The following ATG5 variants were observed in gnomAD, a reference collection of about 807,000 sequenced individuals.
ATG5 encodes autophagy protein 5.
ATG5 carries 14 observed loss-of-function variants against 36.5 expected under a neutral mutation model. That is an observed-to-expected ratio of 0.38 (90% CI 0.25 to 0.60). The LOEUF (loss-of-function observed/expected upper bound fraction) is 0.60. ATG5 is among the 20% of genes least tolerant of loss of function. The pLI is 0.60. For synonymous variants in ATG5, 95 were observed against 101.5 expected (o/e 0.94, Z 0.38); for missense variants, 195 against 326.7 (o/e 0.60, Z 3.11).
chr6:106,283,605 T>C (rs146898563), intron 4 of ATG5: 1 of 152,098 alleles, frequency 6.6e-6, no homozygotes, highest in Non-Finnish European at 1.5e-5. Context: ...AGTGTGGAAA[T>C]TCAATCGGCA....
At position 106,201,989 on chromosome 6, in the gene ATG5, G is replaced by A. The variant is rs1776447348; in HGVS notation, c.674C>T (p.Ser225Phe). The change falls in exon 7 of 8, where the codon TCT becomes TTT. Residue 225 changes from serine to phenylalanine, a missense_variant. Coordinates refer to ENST00000369076, the MANE Select transcript of ATG5 (RefSeq NM_004849.4). ...TGTATTACCTTCAGGATCAATAGCAGAAGGACAAACTTCTTTGAGGAGATC... is the reference window on the plus strand; with the variant it reads ...TGTATTACCTTCAGGATCAATAGCAAAAGGACAAACTTCTTTGAGGAGATC... ...LGDLLKEVCPSAIDPEDGEKK... is the reference protein window; with the variant it reads ...LGDLLKEVCPFAIDPEDGEKK... 6.2e-7 allele frequency: 1 copy of A among 1,611,244 alleles called. No homozygotes were observed. Among genetic ancestry groups the A allele is most frequent in the Non-Finnish European group, 8.5e-7 (1 of 1,178,218 alleles).
chr6:106,290,635 T>C (rs1468340114), intron 4 of ATG5, among the ~76,000 whole-genome samples: 3 of 152,186 alleles, frequency 2.0e-5, no homozygotes, highest in African/African-American at 7.2e-5. Flanking sequence ...GTAATAATAA[T>C]GTGGAATCTG....
At position 106,312,710 on chromosome 6, in the gene ATG5, G is replaced by A. The variant is rs181281595; in HGVS notation, c.108+3391C>T. ...AACCAAGGATACTGAGCACTGCAGG[G>A]CTAACAGGACAATGCCACAAGATGG... On this transcript the variant is annotated intron_variant, in intron 2 of 7. Coordinates refer to ENST00000369076, the MANE Select transcript of ATG5 (RefSeq NM_004849.4). Among the ~76,000 whole-genome samples, 21 of 151,736 alleles carry A rather than the reference G, an allele frequency of 1.4e-4. No individual in the cohort carries two copies. In the East Asian group the frequency reaches 3.9e-3, roughly 28 times the overall value.
intron 6 of ATG5, among the ~76,000 whole-genome samples, chr6:106,230,937 G>C (rs672070): frequency 0.05 from 7,623 of 152,116 alleles, 501 homozygotes; most frequent in East Asian, 0.25. Context: ...TCGCAATTAT[G>C]TAAAAAGTGT....
chr6:106,302,665 T>C (rs1770265600), intron 3 of ATG5, among the ~76,000 whole-genome samples: 1 of 151,920 alleles, frequency 6.6e-6, no homozygotes, highest in Non-Finnish European at 1.5e-5. Context: ...CATCAACAAA[T>C]TTAAAAGATC....
chr6:106,220,540 T>A (rs1777206465), intron 6 of ATG5, among the ~76,000 whole-genome samples: 2 of 152,218 alleles, frequency 1.3e-5, no homozygotes, highest in South Asian at 4.1e-4. Context: ...ATTTTTAAAT[T>A]GATTTTTTCT....
intron 6 of ATG5, among the ~76,000 whole-genome samples, chr6:106,226,677 T>C (rs539294783): frequency 6.6e-6 from 1 of 152,352 alleles, no homozygotes; most frequent in South Asian, 2.1e-4. Context: ...GTATATTCTC[T>C]TTATATCAGC....
chr6:106,201,895 T>C, intron 7 of ATG5, 77 bp downstream of exon 7: 1 of 1,099,736 alleles, frequency 9.1e-7, no homozygotes, highest in Non-Finnish European at 1.3e-6. Context: ...TAACCTGTTG[T>C]TTATAAATGT....
chr6:106,188,094 T>G (rs1052299182), intron 7 of ATG5, among the ~76,000 whole-genome samples: 5 of 152,202 alleles, frequency 3.3e-5, no homozygotes, highest in Non-Finnish European at 7.3e-5. Flanking sequence ...GTTAATATAA[T>G]GATTTGTTTT....
At chr6:106,292,211 G>A (rs1294241855) in intron 4 of ATG5, among the ~76,000 whole-genome samples, 3 of 152,154 alleles carry the variant, frequency 2.0e-5, no homozygotes, top group Admixed American at 6.5e-5. Flanking sequence ...ATCACTGTTC[G>A]TGATCAACTA....
At chr6:106,205,966 G>A (rs189347791) in intron 6 of ATG5, among the ~76,000 whole-genome samples, 16 of 152,186 alleles carry the variant, frequency 1.1e-4, no homozygotes, top group African/African-American at 2.9e-4. Flanking sequence ...CTTTAAAAAC[G>A]TAATATTCTT....
chr6:106,296,483 G>C (rs931751809), intron 3 of ATG5, among the ~76,000 whole-genome samples: 2 of 152,170 alleles, frequency 1.3e-5, no homozygotes, highest in Non-Finnish European at 2.9e-5. Flanking sequence ...ATTTTCTTAT[G>C]TGTTGCCTAA....
intron 6 of ATG5, among the ~76,000 whole-genome samples, chr6:106,204,765 C>T (rs1353380662): frequency 6.6e-6 from 1 of 152,166 alleles, no homozygotes; most frequent in Non-Finnish European, 1.5e-5. Flanking sequence ...TCCTGAGGCC[C>T]CCACAAGCCA....
At chr6:106,215,452 A>T (rs1415547205) in intron 6 of ATG5, among the ~76,000 whole-genome samples, 2 of 152,336 alleles carry the variant, frequency 1.3e-5, no homozygotes, top group African/African-American at 2.4e-5. Flanking sequence ...AATAATTTTT[A>T]AAAATTTATT....
intron 6 of ATG5, among the ~76,000 whole-genome samples, chr6:106,213,892 A>C (rs749379505): frequency 1.3e-5 from 2 of 152,194 alleles, no homozygotes; most frequent in Non-Finnish European, 2.9e-5. Flanking sequence ...TCCTCTCTTG[A>C]ACCATTGTGA....
chr6:106,204,984 G>A (rs530071760), intron 6 of ATG5, among the ~76,000 whole-genome samples: 1 of 152,310 alleles, frequency 6.6e-6, no homozygotes, highest in South Asian at 2.1e-4. Flanking sequence ...GAGAAGAAAA[G>A]AAATGAATAG....
intron 7 of ATG5, among the ~76,000 whole-genome samples, chr6:106,192,277 T>TG (rs1313651975): frequency 6.6e-6 from 1 of 152,104 alleles, no homozygotes; most frequent in Non-Finnish European, 1.5e-5. Flanking sequence ...TTCAAAATCT[T>TG]TATGTTATAC....
intron 3 of ATG5, among the ~76,000 whole-genome samples, chr6:106,298,031 C>A (rs901937698): frequency 1.1e-4 from 16 of 148,478 alleles, no homozygotes; most frequent in Non-Finnish European, 1.8e-4. Flanking sequence ...GTTGTGCGAT[C>A]TTGGCTCACT....
intron 6 of ATG5, among the ~76,000 whole-genome samples, chr6:106,226,738 T>C (rs1198196959): frequency 2.0e-5 from 3 of 152,194 alleles, no homozygotes; most frequent in Admixed American, 2.0e-4. Context: ...TTGTTGCATG[T>C]ATCATTCCCA....
Sources: allele counts gnomAD v4.1 joint callset (sites outside exome capture counted in the v4.1 genomes callset), GRCh38; gene constraint gnomAD v4.1.1; transcripts MANE v1.5; gene names NCBI Gene and HGNC (gene_info 2026-07-23, HGNC 2026-07-21).